RERE: variants seen among roughly 807,000 people sequenced by gnomAD.
RERE encodes arginine-glutamic acid dipeptide repeats.
In RERE, 40 loss-of-function variants were observed where a neutral mutation model predicts 146.1. The observed-to-expected ratio is 0.27, with a 90% CI of 0.21 to 0.36. RERE has a LOEUF of 0.36. RERE is among the 10% of genes least tolerant of loss of function. The probability of loss-of-function intolerance (pLI) is 1.00; values close to 1 mark genes in which losing one functional copy is unlikely to be tolerated. For missense variants in RERE, 1,933 were observed against 2,138.7 expected (o/e 0.90, Z 1.90); for synonymous variants, 1,003 against 866.0 (o/e 1.16, Z -2.78).
At chr1:8,471,255 C>A (rs891108945) in intron 10 of RERE, among the ~76,000 whole-genome samples, 2 of 152,142 alleles carry the variant, frequency 1.3e-5, no homozygotes, top group African/African-American at 4.8e-5. Context: ...GACACATTTA[C>A]TGAGTGCTCA....
chr1:8,564,069 C>G (rs1284471471), intron 4 of RERE, among the ~76,000 whole-genome samples: 1 of 152,232 alleles, frequency 6.6e-6, no homozygotes, highest in Non-Finnish European at 1.5e-5. Flanking sequence ...CCTCCACTTA[C>G]AGGACAATGA....
Position 8,470,813 on chromosome 1 carries a change from CTTTT to C in RERE, c.1105-4794_1105-4791del, listed in dbSNP as rs71580028. ...TTCTGAGACATCTTTAAAGAAATAC[CTTTT>C]TTTTTTTTTTTTTTTTTTTTGAGAC... On this transcript the variant is annotated intron_variant, in intron 10 of 22. Coordinates refer to ENST00000400908, the MANE Select transcript of RERE (RefSeq NM_001042681.2). Among the ~76,000 whole-genome samples the C allele has an allele frequency of 1.7e-4, 13 of 74,566 alleles. No homozygotes were observed. The South Asian group carries it at 1.8e-3, about 10-fold the overall frequency. 48.9% of individuals were successfully genotyped at this position (74,566 alleles called of 152,430 possible).
chr1:8,735,282 T>C (rs1640173705), intron 1 of RERE, among the ~76,000 whole-genome samples: 1 of 152,202 alleles, frequency 6.6e-6, no homozygotes, highest in Admixed American at 6.5e-5. Context: ...TTCCAGCAGT[T>C]AGCATAAGTG....
chr1:8,613,107 C>A (rs528132128), intron 4 of RERE, among the ~76,000 whole-genome samples: 2 of 152,298 alleles, frequency 1.3e-5, no homozygotes, highest in South Asian at 2.1e-4. Context: ...TGAATGGCGG[C>A]CCTAGCCTTC....
chr1:8,404,019 C>T (rs369469678), intron 12 of RERE, among the ~76,000 whole-genome samples: 25 of 151,600 alleles, frequency 1.6e-4, no homozygotes, highest in South Asian at 8.3e-4. Context: ...TTAGTAGAGA[C>T]GGGGTTTCAC....
intron 1 of RERE, among the ~76,000 whole-genome samples, chr1:8,673,347 C>T (rs1161979188): frequency 6.6e-6 from 1 of 152,130 alleles, no homozygotes; most frequent in Non-Finnish European, 1.5e-5. Flanking sequence ...CCACCTGCCT[C>T]GGCCTCCCAA....
intron 12 of RERE, among the ~76,000 whole-genome samples, chr1:8,399,053 C>T (rs1357361162): frequency 2.0e-5 from 3 of 151,832 alleles, no homozygotes; most frequent in African/African-American, 7.3e-5. Context: ...ACTACCTGTT[C>T]TCATCTTTCA....
At chr1:8,731,392 C>T (rs1279282086) in intron 1 of RERE, among the ~76,000 whole-genome samples, 6 of 152,170 alleles carry the variant, frequency 3.9e-5, no homozygotes, top group Non-Finnish European at 8.8e-5. Flanking sequence ...TTCGCAGGAG[C>T]TTTGTAGACC....
chr1:8,658,353 A>T (rs893495336), intron 1 of RERE, among the ~76,000 whole-genome samples: 1 of 152,212 alleles, frequency 6.6e-6, no homozygotes, highest in African/African-American at 2.4e-5. Context: ...TTCTCATGCA[A>T]CTAGGGTGAG....
intron 1 of RERE, among the ~76,000 whole-genome samples, chr1:8,724,875 TAA>T (rs1176635924): frequency 8.3e-6 from 1 of 120,758 alleles, no homozygotes; most frequent in Admixed American, 8.7e-5. Context: ...AGATACTTTG[TAA>T]AAAAAAAAAA....
At chr1:8,599,579 G>A (rs955371084) in intron 4 of RERE, among the ~76,000 whole-genome samples, 1 of 152,188 alleles carries the variant, frequency 6.6e-6, no homozygotes, top group African/African-American at 2.4e-5. Flanking sequence ...TAAAACGGAA[G>A]AGAATTATCT....
At chr1:8,742,439 G>GT (rs1304099848) in intron 1 of RERE, among the ~76,000 whole-genome samples, 1 of 152,150 alleles carries the variant, frequency 6.6e-6, no homozygotes, top group African/African-American at 2.4e-5. Context: ...AGCCAAATCC[G>GT]TAATAGTGAG....
chr1:8,445,150 A>G (rs1644301445), intron 11 of RERE, among the ~76,000 whole-genome samples: 1 of 152,198 alleles, frequency 6.6e-6, no homozygotes, highest in Non-Finnish European at 1.5e-5. Context: ...TTAGCTTTGT[A>G]TCTACCTAAA....
chr1:8,646,676 G>A (rs1357753979), intron 2 of RERE, among the ~76,000 whole-genome samples: 1 of 152,128 alleles, frequency 6.6e-6, no homozygotes, highest in Non-Finnish European at 1.5e-5. Flanking sequence ...CAATATGACT[G>A]GCATCCTTAC....
intron 10 of RERE, among the ~76,000 whole-genome samples, chr1:8,470,450 A>C (rs1227635929): frequency 6.6e-6 from 1 of 151,916 alleles, no homozygotes; most frequent in East Asian, 1.9e-4. Context: ...TTTAGTAGAG[A>C]TGGGGTTTCG....
chr1:8,453,877 G>A (rs573252816), intron 11 of RERE, among the ~76,000 whole-genome samples: 1 of 152,082 alleles, frequency 6.6e-6, no homozygotes, highest in Admixed American at 6.5e-5. Context: ...AGCTTACTTA[G>A]CTCTGTCACC....
chr1:8,690,240 G>C (rs1281849186), intron 1 of RERE, among the ~76,000 whole-genome samples: 1 of 152,162 alleles, frequency 6.6e-6, no homozygotes, highest in Non-Finnish European at 1.5e-5. Flanking sequence ...TTCTGGGGCT[G>C]TGTCCTTACA....
intron 1 of RERE, among the ~76,000 whole-genome samples, chr1:8,665,031 ACTGT>A (rs1438667999): frequency 3.9e-5 from 6 of 152,144 alleles, no homozygotes; most frequent in Admixed American, 2.0e-4. Flanking sequence ...ATCTCTCAGC[ACTGT>A]CTTTCAGTCT....
chr1:8,525,870 C>G (rs1444952214), intron 7 of RERE: 79 of 1,469,882 alleles, frequency 5.4e-5, no homozygotes, highest in Non-Finnish European at 7.0e-5. Flanking sequence ...ACTAACAACT[C>G]AAAATGGAGG....
Sources: allele counts gnomAD v4.1 joint callset (sites outside exome capture counted in the v4.1 genomes callset), GRCh38; gene constraint gnomAD v4.1.1; transcripts MANE v1.5; gene names NCBI Gene and HGNC (gene_info 2026-07-23, HGNC 2026-07-21).